The following RO60 variants were observed in gnomAD, a reference collection of about 807,000 sequenced individuals.
RO60 encodes the protein RNA-binding protein RO60.
Under a neutral mutation model 55.3 loss-of-function variants are expected in RO60, and 20 were observed. The observed-to-expected ratio is 0.36, with a 90% confidence interval of 0.25 to 0.53. The LOEUF is 0.53. Ranked by LOEUF, RO60 falls within the 20% of genes least tolerant of loss-of-function variation. RO60 has a pLI of 0.92. For missense variants in RO60, 558 were observed against 646.6 expected (o/e 0.86, Z 1.49); for synonymous variants, 213 against 213.6 (o/e 1.00, Z 0.02).
In RO60 at chr1:193,076,052, A is replaced by G; in HGVS notation, c.801+12A>G. ...TAAAGTCTAAAGAGGTGAGTGAATT[A>G]TATGTTACAGCATGTGATTAAACAT... is the stretch of plus-strand genomic sequence containing the variant. On this transcript the variant is annotated intron_variant, in intron 3 of 8. Transcript: ENST00000400968. 3 of 1,561,968 alleles carry G rather than the reference A, an allele frequency of 1.9e-6. No individual in the cohort carries two copies. The highest frequency in any genetic ancestry group is 1.2e-5 in the South Asian group (1 of 86,820).
chr1:193,082,215 T>C lies in RO60; in HGVS notation c.1233T>C (p.Tyr411=), dbSNP rs138322399. 307 of 1,613,218 alleles carry C rather than the reference T, an allele frequency of 1.9e-4. 2 individuals carry two copies. The East Asian group carries it at 6.2e-3, about 33-fold the overall frequency. The change falls in exon 7 of 9, where the codon TAT becomes TAC. Residue 411 remains tyrosine (Y), a synonymous_variant. Coordinates refer to ENST00000400968, the MANE Select transcript of RO60 (RefSeq NM_001173524.2). ...MVVTRTEKDS[Y]VVAFSDEMVP... ...TCACACGAACAGAAAAAGATTCTTA[T>C]GTAGTTGCTTTTTCCGATGAAATGG... is the stretch of plus-strand genomic sequence containing the variant.
chr1:193,077,377 ATG>A (rs1225110472), intron 5 of RO60, among the ~76,000 whole-genome samples: 1 of 152,204 alleles, frequency 6.6e-6, no homozygotes, highest in Non-Finnish European at 1.5e-5. Context: ...TAATCGGCTC[ATG>A]GTTCCACAGG....
chr1:193,082,397 A>C (rs1674374515), intron 7 of RO60, 98 bp downstream of exon 7: 1 of 1,348,062 alleles, frequency 7.4e-7, no homozygotes, highest in South Asian at 1.3e-5. Context: ...CTGTGAGAAC[A>C]AAATTTTTTT....
At chr1:193,061,048 C>G (rs1311607677) in intron 1 of RO60, among the ~76,000 whole-genome samples, 1 of 152,172 alleles carries the variant, frequency 6.6e-6, no homozygotes, top group African/African-American at 2.4e-5. Context: ...TTGGCACAAT[C>G]TAGAAGTAAG....
rs1019614152 is a variant in RO60 at position 193,091,137 on chromosome 1, G to T, written c.*6406G>T. 6.6e-6 allele frequency: 1 copy of T among 152,486 alleles called. No individual in the cohort carries two copies. The highest frequency in any genetic ancestry group is 1.5e-5 in the Non-Finnish European group (1 of 68,252). 9.4% of individuals were successfully genotyped at this position (152,486 alleles called of 1,614,324 possible). A position where few individuals can be genotyped will look rare whatever the true frequency, so the allele number is the denominator to read the frequency against. Reference sequence around the variant, plus strand: ...TTTAACATCGAATGAAAATGTAGTTGTACAGTTCCAAAAATAATTAATTTT... The same window carrying T: ...TTTAACATCGAATGAAAATGTAGTTTTACAGTTCCAAAAATAATTAATTTT... On this transcript the variant is annotated 3_prime_UTR_variant, in exon 9 of 9. Transcript: ENST00000400968.
rs1394823126 is a variant in RO60, at chr1:193,075,092, T to C, written c.581-728T>C. ...TGGTGGTTTTATTTATTTTATTTGC[T>C]TGTCCCTCATAGACATTTTAATGTT... On this transcript the variant is annotated intron_variant, in intron 2 of 8. Coordinates refer to ENST00000400968, the MANE Select transcript of RO60 (RefSeq NM_001173524.2). Among the ~76,000 whole-genome samples the C allele has an allele frequency of 1.3e-5, 2 of 152,162 alleles. 1 individual carries two copies. Among genetic ancestry groups the C allele is most frequent in the South Asian group, 4.1e-4 (2 of 4,828 alleles).
intron 2 of RO60, among the ~76,000 whole-genome samples, chr1:193,073,463 GTTT>G (rs1253725760): frequency 6.6e-6 from 1 of 152,016 alleles, no homozygotes; most frequent in Non-Finnish European, 1.5e-5. Context: ...TTGAAAGTAA[GTTT>G]TTTTTCTTTT....
intron 2 of RO60, among the ~76,000 whole-genome samples, chr1:193,073,403 T>A (rs1673656630): frequency 6.6e-6 from 1 of 152,220 alleles, no homozygotes; most frequent in Non-Finnish European, 1.5e-5. Flanking sequence ...AAATGAATTC[T>A]TTGTCATTAT....
chr1:193,073,264 C>T (rs948734824), intron 2 of RO60, among the ~76,000 whole-genome samples: 2 of 152,190 alleles, frequency 1.3e-5, no homozygotes, highest in African/African-American at 4.8e-5. Context: ...GCAAGAGTCA[C>T]AATACTTGAG....
At chr1:193,083,818 T>C (rs1329860918) in intron 8 of RO60, among the ~76,000 whole-genome samples, 1 of 152,176 alleles carries the variant, frequency 6.6e-6, no homozygotes, top group East Asian at 1.9e-4. Flanking sequence ...CTATCATAGC[T>C]TACTGTAACT....
At chr1:193,071,862 GTA>G (rs1673537641) in intron 2 of RO60, among the ~76,000 whole-genome samples, 5 of 147,392 alleles carry the variant, frequency 3.4e-5, no homozygotes, top group Non-Finnish European at 7.5e-5. Context: ...ATAATTATAT[GTA>G]TGTATATATA....
chr1:193,076,191 A>G (rs922801670), intron 3 of RO60, 151 bp downstream of exon 3: 1 of 554,894 alleles, frequency 1.8e-6, no homozygotes, highest in Non-Finnish European at 3.0e-6. Flanking sequence ...TAAAACACCT[A>G]CCATGATGTC....
chr1:193,085,404 T>C lies in RO60; in HGVS notation c.*673T>C. The stretch of plus-strand genomic sequence containing the variant: ...GAAACATCATGGCAACCCCTAAGAA[T>C]AGACTAAGTTTGTGTTGGCTGAGGG... On this transcript the variant is annotated 3_prime_UTR_variant, in exon 9 of 9. Transcript: ENST00000400968. 2.0e-5 allele frequency: 20 copies of C among 987,536 alleles called. No individual in the cohort carries two copies. Among genetic ancestry groups the C allele is most frequent in the South Asian group, 4.7e-5 (1 of 21,380 alleles). 61.2% of individuals were successfully genotyped at this position (987,536 alleles called of 1,614,324 possible). A position where few individuals can be genotyped will look rare whatever the true frequency, so the allele number is the denominator to read the frequency against.
At chr1:193,081,551 A>G (rs1378616380) in intron 6 of RO60, 71 bp downstream of exon 6, 4 of 786,286 alleles carry the variant, frequency 5.1e-6, no homozygotes, top group Non-Finnish European at 8.5e-6. Context: ...TAAGATTAAT[A>G]ATGATTAAGA....
intron 1 of RO60, chr1:193,060,126 G>C (rs1672422426): frequency 1.7e-5 from 20 of 1,199,194 alleles, no homozygotes; most frequent in Non-Finnish European, 2.1e-5. Context: ...GCTTCTGCGC[G>C]GAGAGGCGTC....
At position 193,086,465 on chromosome 1, in the gene RO60, G is replaced by C. The variant is rs1674628514; in HGVS notation, c.*1734G>C. On this transcript the variant is annotated 3_prime_UTR_variant, in exon 9 of 9. Coordinates refer to ENST00000400968, the MANE Select transcript of RO60 (RefSeq NM_001173524.2). ...TTGTTCACGTTTTTAACCCTGTCAA[G>C]CATTGAACTGAATATATTAGCTACT... 6.6e-6 allele frequency: 1 copy of C among 152,010 alleles called. No individual in the cohort carries two copies. The highest frequency in any genetic ancestry group is 2.4e-5 in the African/African-American group (1 of 41,410). The allele number at this position is 152,010 out of a possible 1,614,324, so 9.4% of individuals were successfully genotyped here. A position where few individuals can be genotyped will look rare whatever the true frequency, so the allele number is the denominator to read the frequency against.
At chr1:193,077,890 T>G (rs1264993506) in intron 5 of RO60, among the ~76,000 whole-genome samples, 1 of 152,182 alleles carries the variant, frequency 6.6e-6, no homozygotes, top group Non-Finnish European at 1.5e-5. Context: ...TTTGACTTGG[T>G]CCTCTGTTTT....
At chr1:193,061,870 G>C (rs113015352) in intron 1 of RO60, among the ~76,000 whole-genome samples, 4 of 151,984 alleles carry the variant, frequency 2.6e-5, no homozygotes, top group African/African-American at 9.7e-5. Context: ...TGTAATCCCA[G>C]CTACTCAGGA....
At chr1:193,068,481 G>T (rs539285690) in intron 1 of RO60, among the ~76,000 whole-genome samples, 1 of 152,316 alleles carries the variant, frequency 6.6e-6, no homozygotes, top group African/African-American at 2.4e-5. Context: ...GAAGAGAGAA[G>T]GGGGAAGAAT....
Sources: gnomAD v4.1 joint callset for allele counts (sites outside exome capture counted in the v4.1 genomes callset) on GRCh38, gnomAD v4.1.1 for gene constraint, MANE v1.5 for transcripts, NCBI Gene and HGNC (gene_info 2026-07-23, HGNC 2026-07-21) for gene names.